TNPO1: variants seen among roughly 807,000 people sequenced by gnomAD.
TNPO1 encodes the protein transportin 1, also known as transportin-1.
TNPO1 carries 8 observed loss-of-function variants against 119.5 expected under a neutral mutation model. The observed-to-expected ratio is 0.07, with a 90% CI of 0.04 to 0.12. The LOEUF (loss-of-function observed/expected upper bound fraction) is 0.12. Among genes scored for constraint, TNPO1 ranks in the 10% least tolerant of loss-of-function variants. The pLI is 1.00. For missense variants in TNPO1, 576 were observed against 1,089.8 expected, an observed-to-expected ratio of 0.53 and a Z score of 6.64; for synonymous variants, 362 against 363.0, an observed-to-expected ratio of 1.00 and a Z score of 0.03.
At chr5:72,873,048 C>T (rs748730139) in intron 7 of TNPO1, among the ~76,000 whole-genome samples, 9 of 152,062 alleles carry the variant, frequency 5.9e-5, no homozygotes, top group Non-Finnish European at 1.2e-4. Flanking sequence ...CCAAGTCCCT[C>T]AGCTCATGCA....
intron 22 of TNPO1, among the ~76,000 whole-genome samples, chr5:72,902,917 C>G (rs1749897365): frequency 6.6e-6 from 1 of 151,988 alleles, no homozygotes; most frequent in Admixed American, 6.6e-5. Context: ...TAAACATACA[C>G]ACACTGTAGT....
chr5:72,901,077 A>G lies in TNPO1; in HGVS notation c.2514+4A>G. On this transcript the variant is annotated splice_donor_region_variant and intron_variant, in intron 22 of 24. Transcript: ENST00000337273. ...GAATCCCAGTGGCGTAATCCAAGTA[A>G]GATGTTCACAAAGATTTGTTTTTAA... The G allele has an allele frequency of 6.3e-7, 1 of 1,583,002 alleles. No homozygotes were observed. The highest frequency in any genetic ancestry group is 2.3e-5 in the East Asian group (1 of 44,110).
chr5:72,862,973 A>T (rs937154554), intron 5 of TNPO1, among the ~76,000 whole-genome samples: 2 of 146,242 alleles, frequency 1.4e-5, no homozygotes, highest in African/African-American at 2.6e-5. Context: ...ATCATACATT[A>T]ACTCTGACCT....
At chr5:72,884,752 C>CT (rs1285774863) in intron 11 of TNPO1, among the ~76,000 whole-genome samples, 61 of 147,222 alleles carry the variant, frequency 4.1e-4, no homozygotes, top group Middle Eastern at 7.0e-3. Context: ...CCACATAATT[C>CT]TTTTTTTTTT....
rs770114427 is a variant in TNPO1, at chr5:72,893,117, A to G, written c.1789-22A>G. 5 of 1,578,604 alleles carry G rather than the reference A, an allele frequency of 3.2e-6. No homozygotes were observed. The South Asian group carries it at 4.5e-5, about 14-fold the overall frequency. On this transcript the variant is annotated intron_variant, in intron 15 of 24. Transcript: ENST00000337273. Reference sequence around the variant, plus strand: ...CTTCAGTATACCCAGAAAGTTTAGCATGTGTACTTTATTCTTCCTAGTGCC... The same window carrying G: ...CTTCAGTATACCCAGAAAGTTTAGCGTGTGTACTTTATTCTTCCTAGTGCC...
intron 15 of TNPO1, 67 bp downstream of exon 15, chr5:72,891,963 A>G: frequency 1.7e-6 from 2 of 1,201,676 alleles, no homozygotes; most frequent in Non-Finnish European, 2.4e-6. Context: ...ATGGGTATAT[A>G]TGATAAGAAA....
At chr5:72,869,719 G>T (rs1424336018) in intron 6 of TNPO1, among the ~76,000 whole-genome samples, 2 of 151,886 alleles carry the variant, frequency 1.3e-5, no homozygotes, top group African/African-American at 4.8e-5. Context: ...TGCTTCTGGG[G>T]GAATATTTTC....
chr5:72,823,445 A>G (rs1201786691), intron 1 of TNPO1, among the ~76,000 whole-genome samples: 1 of 152,148 alleles, frequency 6.6e-6, no homozygotes, highest in Non-Finnish European at 1.5e-5. Context: ...GTGCACTGTC[A>G]ATAACTGCAG....
At chr5:72,852,613 G>C (rs995917193) in intron 3 of TNPO1, among the ~76,000 whole-genome samples, 1 of 152,196 alleles carries the variant, frequency 6.6e-6, no homozygotes, top group Admixed American at 6.5e-5. Context: ...GAAATAACAA[G>C]GTTTAGACAA....
At chr5:72,901,112 A>G in intron 22 of TNPO1, 39 bp downstream of exon 22, 1 of 1,372,358 alleles carries the variant, frequency 7.3e-7, no homozygotes, top group African/African-American at 1.5e-5. Context: ...ATGTCTAATT[A>G]ATAAAATTTT....
At chr5:72,881,211 A>G (rs1297887220) in intron 9 of TNPO1, among the ~76,000 whole-genome samples, 2 of 152,184 alleles carry the variant, frequency 1.3e-5, no homozygotes, top group East Asian at 1.9e-4. Context: ...CCCGGGTTCA[A>G]GTGATTCTCC....
At chr5:72,853,982 T>C (rs1745793604) in intron 3 of TNPO1, among the ~76,000 whole-genome samples, 1 of 152,226 alleles carries the variant, frequency 6.6e-6, no homozygotes, top group Admixed American at 6.5e-5. Context: ...GTATATACTT[T>C]TAATATTGAA....
chr5:72,883,507 A>G (rs777888564), intron 11 of TNPO1, among the ~76,000 whole-genome samples: 2 of 152,206 alleles, frequency 1.3e-5, no homozygotes, highest in Non-Finnish European at 2.9e-5. Context: ...TTTCATGTAA[A>G]TGGAGTCATA....
chr5:72,820,165 T>G (rs557384609), intron 1 of TNPO1, among the ~76,000 whole-genome samples: 1 of 152,354 alleles, frequency 6.6e-6, no homozygotes, highest in African/African-American at 2.4e-5. Flanking sequence ...TGTCACCATA[T>G]TTAATGTTTG....
chr5:72,897,648 A>C (rs1340831598), intron 20 of TNPO1, among the ~76,000 whole-genome samples: 1 of 139,074 alleles, frequency 7.2e-6, no homozygotes, highest in Non-Finnish European at 1.6e-5. Context: ...TTTTTTTTTT[A>C]GGAAGCTTGT....
chr5:72,899,247 C>T (rs966830529), intron 20 of TNPO1, among the ~76,000 whole-genome samples: 1 of 152,020 alleles, frequency 6.6e-6, no homozygotes, highest in African/African-American at 2.4e-5. Flanking sequence ...CTGTAAATTT[C>T]CTTTATTAGA....
intron 1 of TNPO1, among the ~76,000 whole-genome samples, chr5:72,817,252 G>A (rs757028620): frequency 4.6e-5 from 7 of 152,202 alleles, no homozygotes; most frequent in African/African-American, 7.2e-5. Flanking sequence ...GTCCTTACAT[G>A]CAGCTTGCCG....
chr5:72,863,119 A>G (rs1746606286), intron 5 of TNPO1, among the ~76,000 whole-genome samples: 1 of 151,594 alleles, frequency 6.6e-6, no homozygotes, highest in South Asian at 2.1e-4. Context: ...TCTCATGGTT[A>G]GTGGATACAG....
intron 1 of TNPO1, among the ~76,000 whole-genome samples, chr5:72,844,023 T>C (rs961834133): frequency 5.9e-5 from 9 of 152,240 alleles, no homozygotes; most frequent in Non-Finnish European, 1.3e-4. Flanking sequence ...ACTTAATAGT[T>C]ACTCAGTTGA....
Sources: allele counts gnomAD v4.1 joint callset (sites outside exome capture counted in the v4.1 genomes callset), GRCh38; gene constraint gnomAD v4.1.1; transcripts MANE v1.5; gene names NCBI Gene and HGNC (gene_info 2026-07-23, HGNC 2026-07-21).